CRTAM: variants seen among roughly 807,000 people sequenced by gnomAD.
The protein encoded by CRTAM is cytotoxic and regulatory T cell molecule.
In CRTAM, 44 loss-of-function variants were observed where a neutral mutation model predicts 50.0. That is an observed-to-expected ratio of 0.88 (90% CI 0.69 to 1.13). The LOEUF is 1.13. Among genes scored for constraint, CRTAM ranks in the 50% most tolerant of loss-of-function variants. The pLI is 0.00. For synonymous variants in CRTAM, 159 were observed against 169.3 expected (o/e 0.94, Z 0.47); for missense variants, 448 against 457.5 (o/e 0.98, Z 0.19).
intron 1 of CRTAM, among the ~76,000 whole-genome samples, chr11:122,842,581 C>A (rs1164965153): frequency 2.0e-5 from 3 of 152,134 alleles, no homozygotes; most frequent in Non-Finnish European, 4.4e-5. Flanking sequence ...CGCCCGGCCT[C>A]AAATTCATGG....
At chr11:122,863,228 CGAAA>C (rs150041954) in intron 6 of CRTAM, among the ~76,000 whole-genome samples, 1,677 of 108,646 alleles carry the variant, frequency 0.015, 26 homozygotes, top group African/African-American at 0.045. Context: ...AAATGAATTA[CGAAA>C]GAAAGAAAGA....
intron 1 of CRTAM, among the ~76,000 whole-genome samples, chr11:122,845,147 TAGGA>T (rs1349330291): frequency 6.6e-6 from 1 of 151,970 alleles, no homozygotes; most frequent in Non-Finnish European, 1.5e-5. Context: ...GCCAGTGAGT[TAGGA>T]AGGGAGTCAA....
At chr11:122,842,526 G>A (rs533350554) in intron 1 of CRTAM, among the ~76,000 whole-genome samples, 1 of 152,104 alleles carries the variant, frequency 6.6e-6, no homozygotes, top group African/African-American at 2.4e-5. Flanking sequence ...AGATCCACCC[G>A]CCTCGGCCTC....
At chr11:122,866,752 C>T (rs1206753053) in intron 7 of CRTAM, among the ~76,000 whole-genome samples, 1 of 152,010 alleles carries the variant, frequency 6.6e-6, no homozygotes, top group Admixed American at 6.6e-5. Context: ...TACAGGTGTG[C>T]ACCACTGCTC....
intron 6 of CRTAM, among the ~76,000 whole-genome samples, chr11:122,863,300 G>A (rs11218869): frequency 2.4e-4 from 30 of 122,864 alleles, no homozygotes; most frequent in African/African-American, 7.7e-4. Context: ...GAAAGAAAGA[G>A]AGAAAGAAAA....
At chr11:122,841,699 C>T (rs879740892) in intron 1 of CRTAM, among the ~76,000 whole-genome samples, 1 of 152,064 alleles carries the variant, frequency 6.6e-6, no homozygotes, top group Non-Finnish European at 1.5e-5. Flanking sequence ...CGAGCCCGGC[C>T]TATTTACTCA....
Position 122,872,582 on chromosome 11 carries a change from G to T in CRTAM, c.*1183G>T, listed in dbSNP as rs1173684957. The T allele has an allele frequency of 6.6e-6, 1 of 152,552 alleles. No individual in the cohort carries two copies. The highest frequency in any genetic ancestry group is 6.6e-5 in the Admixed American group (1 of 15,256). The allele number at this position is 152,552 out of a possible 1,614,324, so 9.4% of individuals were successfully genotyped here. On this transcript the variant is annotated 3_prime_UTR_variant, in exon 10 of 10. Coordinates refer to ENST00000227348, the MANE Select transcript of CRTAM (RefSeq NM_019604.4). ...TTATTTAAGCTATACAGCAAACTTT[G>T]GCATTTATGTGGAGCATTTCTCATT...
intron 7 of CRTAM, among the ~76,000 whole-genome samples, chr11:122,865,913 G>T (rs184964278): frequency 3.9e-5 from 6 of 152,238 alleles, no homozygotes; most frequent in African/African-American, 1.4e-4. Flanking sequence ...TGTCTTTCAG[G>T]TATTTTGTCC....
At chr11:122,864,796 C>A (rs915132868) in intron 7 of CRTAM, 77 bp downstream of exon 7, 4 of 1,055,700 alleles carry the variant, frequency 3.8e-6, no homozygotes, top group Non-Finnish European at 5.9e-6. Context: ...TGGCCTTTGT[C>A]AGTCCTCCCT....
At chr11:122,859,152 T>C (rs773853167) in intron 5 of CRTAM, among the ~76,000 whole-genome samples, 1 of 152,170 alleles carries the variant, frequency 6.6e-6, no homozygotes, top group Non-Finnish European at 1.5e-5. Flanking sequence ...ACTTATTTTT[T>C]GAGATGAGTG....
At chr11:122,852,432 A>C (rs1861943448) in intron 3 of CRTAM, among the ~76,000 whole-genome samples, 1 of 152,200 alleles carries the variant, frequency 6.6e-6, no homozygotes, top group African/African-American at 2.4e-5. Flanking sequence ...TGTGTCCAGT[A>C]TGTCTATCCT....
chr11:122,846,299 ATAT>A (rs1301450753), intron 1 of CRTAM, among the ~76,000 whole-genome samples: 2 of 152,070 alleles, frequency 1.3e-5, no homozygotes, highest in Admixed American at 6.6e-5. Flanking sequence ...GTGGGAAAAC[ATAT>A]TATTATTTAA....
At chr11:122,842,365 C>T (rs1861808772) in intron 1 of CRTAM, among the ~76,000 whole-genome samples, 1 of 152,200 alleles carries the variant, frequency 6.6e-6, no homozygotes, top group African/African-American at 2.4e-5. Context: ...ACAACCTCCA[C>T]CTCCCAGGTT....
At chr11:122,861,693 A>T (rs1426357396) in intron 5 of CRTAM, among the ~76,000 whole-genome samples, 4 of 151,852 alleles carry the variant, frequency 2.6e-5, no homozygotes, top group Non-Finnish European at 5.9e-5. Context: ...CACCCACCTC[A>T]GCCTTCCAAA....
chr11:122,853,813 A>G (rs1323098458), intron 3 of CRTAM, 130 bp from the exon 4 acceptor site: 9 of 315,516 alleles, frequency 2.9e-5, no homozygotes, highest in Non-Finnish European at 3.0e-5. Flanking sequence ...GACTAAGTCT[A>G]AAAAAAAAAA....
chr11:122,844,074 A>G (rs2370794), intron 1 of CRTAM, among the ~76,000 whole-genome samples: 59,115 of 152,060 alleles, frequency 0.39, 11,938 homozygotes, highest in Admixed American at 0.49. Context: ...AGCCCTTTCC[A>G]TATGAAACTC....
chr11:122,840,972 A>T (rs1340567537), intron 1 of CRTAM, among the ~76,000 whole-genome samples: 1 of 152,176 alleles, frequency 6.6e-6, no homozygotes, highest in Non-Finnish European at 1.5e-5. Context: ...TGAATTTTGA[A>T]CCCTCTGTTT....
At position 122,868,579 on chromosome 11, in the gene CRTAM, C is replaced by G. The variant is rs565787834; in HGVS notation, c.1051+480C>G. Among the ~76,000 whole-genome samples, 35 of 152,298 alleles carry G rather than the reference C, an allele frequency of 2.3e-4. No homozygotes were observed. The South Asian group carries it at 5.2e-3, about 23-fold the overall frequency. On this transcript the variant is annotated intron_variant, in intron 9 of 9. Coordinates refer to ENST00000227348, the MANE Select transcript of CRTAM (RefSeq NM_019604.4). Reference sequence around the variant, plus strand: ...AATCTCAATGCCCACCTACTCCACTCAGACTCACACACTAATCTCCTCTAG... The same window carrying G: ...AATCTCAATGCCCACCTACTCCACTGAGACTCACACACTAATCTCCTCTAG...
chr11:122,845,900 G>A (rs1285513168), intron 1 of CRTAM, among the ~76,000 whole-genome samples: 1 of 151,982 alleles, frequency 6.6e-6, no homozygotes, highest in Non-Finnish European at 1.5e-5. Context: ...ATGTTTCCCA[G>A]GCTGGTCTCA....
Sources: gnomAD v4.1 joint callset for allele counts (sites outside exome capture counted in the v4.1 genomes callset) on GRCh38, gnomAD v4.1.1 for gene constraint, MANE v1.5 for transcripts, NCBI Gene and HGNC (gene_info 2026-07-23, HGNC 2026-07-21) for gene names.